CTNNA3: variants seen among roughly 807,000 people sequenced by gnomAD.
CTNNA3 encodes the protein catenin alpha 3, also known as catenin alpha-3.
In CTNNA3, 76 loss-of-function variants were observed where a neutral mutation model predicts 95.7. That is an observed-to-expected ratio of 0.79 (90% CI 0.66 to 0.96). The LOEUF (loss-of-function observed/expected upper bound fraction) is 0.96. Among genes scored for constraint, CTNNA3 ranks in the 40% least tolerant of loss-of-function variants. CTNNA3 has a pLI of 0.00. For synonymous variants in CTNNA3, 431 were observed against 374.4 expected, an observed-to-expected ratio of 1.15 and a Z score of -1.74; for missense variants, 1,191 against 1,089.8, an observed-to-expected ratio of 1.09 and a Z score of -1.31.
chr10:67,594,731 T>TA (rs1002662748), intron 3 of CTNNA3, among the ~76,000 whole-genome samples: 9 of 152,170 alleles, frequency 5.9e-5, no homozygotes, highest in Admixed American at 2.0e-4. Context: ...TTTTATTTTT[T>TA]AAAAAAATTA....
At chr10:66,016,226 T>G (rs1486810791) in intron 15 of CTNNA3, among the ~76,000 whole-genome samples, 2 of 152,188 alleles carry the variant, frequency 1.3e-5, no homozygotes, top group African/African-American at 4.8e-5. Context: ...CACCTATTTA[T>G]GTAACCAGCC....
intron 5 of CTNNA3, among the ~76,000 whole-genome samples, chr10:67,365,554 A>C (rs921980337): frequency 3.3e-5 from 5 of 152,340 alleles, no homozygotes; most frequent in Admixed American, 6.5e-5. Context: ...CCCCATCAAA[A>C]AGTGGGCAAA....
intron 7 of CTNNA3, among the ~76,000 whole-genome samples, chr10:66,851,745 A>G (rs539289864): frequency 1.3e-5 from 2 of 152,078 alleles, no homozygotes; most frequent in South Asian, 4.1e-4. Flanking sequence ...CCAGAAGCTG[A>G]GCAGATGTCC....
chr10:67,131,849 G>A (rs1414077409), intron 7 of CTNNA3, among the ~76,000 whole-genome samples: 1 of 152,082 alleles, frequency 6.6e-6, no homozygotes, highest in Non-Finnish European at 1.5e-5. Flanking sequence ...CAGCTGAAGA[G>A]AAGGAAGCCT....
chr10:67,633,608 G>A (rs1201061573), intron 2 of CTNNA3, among the ~76,000 whole-genome samples: 1 of 152,150 alleles, frequency 6.6e-6, no homozygotes, highest in African/African-American at 2.4e-5. Flanking sequence ...ACTAGGGTCT[G>A]GAGTGGACCC....
intron 5 of CTNNA3, among the ~76,000 whole-genome samples, chr10:67,274,617 C>T (rs1052293726): frequency 1.3e-5 from 2 of 151,998 alleles, no homozygotes; most frequent in African/African-American, 2.4e-5. Flanking sequence ...TGCTTGAGCC[C>T]AGGAATTCAA....
chr10:65,973,489 C>A (rs2078149894), intron 16 of CTNNA3, among the ~76,000 whole-genome samples: 2 of 152,044 alleles, frequency 1.3e-5, no homozygotes, highest in Non-Finnish European at 2.9e-5. Flanking sequence ...GGAACTTAAA[C>A]AACTGAGCAA....
At chr10:67,301,463 A>T (rs1415538846) in intron 5 of CTNNA3, among the ~76,000 whole-genome samples, 1 of 152,196 alleles carries the variant, frequency 6.6e-6, no homozygotes, top group African/African-American at 2.4e-5. Context: ...AAAACTAAAA[A>T]TAGAGCTATC....
intron 16 of CTNNA3, among the ~76,000 whole-genome samples, chr10:65,974,361 T>C (rs543797716): frequency 3.4e-4 from 52 of 152,212 alleles, no homozygotes; most frequent in African/African-American, 1.1e-3. Context: ...CAATGGTGGA[T>C]TGAATAAATA....
intron 5 of CTNNA3, among the ~76,000 whole-genome samples, chr10:67,319,147 T>G (rs940730977): frequency 6.6e-6 from 1 of 152,224 alleles, no homozygotes; most frequent in African/African-American, 2.4e-5. Context: ...TCCAATAAAC[T>G]GTACTGGTAG....
intron 1 of CTNNA3, among the ~76,000 whole-genome samples, chr10:67,727,078 ATATAT>A (rs1391035826): frequency 8.8e-6 from 1 of 114,196 alleles, no homozygotes; most frequent in Non-Finnish European, 1.6e-5. Context: ...TATATGATAC[ATATAT>A]GATATAATTA....
intron 7 of CTNNA3, among the ~76,000 whole-genome samples, chr10:67,085,960 C>T (rs1319433669): frequency 6.6e-6 from 1 of 151,948 alleles, no homozygotes; most frequent in Non-Finnish European, 1.5e-5. Context: ...AGATCTTTCC[C>T]TCCACTCTCA....
intron 12 of CTNNA3, among the ~76,000 whole-genome samples, chr10:66,283,445 G>T (rs2091529117): frequency 6.6e-6 from 1 of 151,226 alleles, no homozygotes; most frequent in African/African-American, 2.4e-5. Flanking sequence ...GTAGATTTTG[G>T]CAAAAAAAGA....
intron 13 of CTNNA3, among the ~76,000 whole-genome samples, chr10:66,245,206 G>A (rs2090266647): frequency 6.6e-6 from 1 of 152,178 alleles, no homozygotes; most frequent in Admixed American, 6.5e-5. Flanking sequence ...ACAGGTGCTG[G>A]CTCTCTGCAA....
intron 7 of CTNNA3, among the ~76,000 whole-genome samples, chr10:66,973,003 C>T (rs1439037951): frequency 1.3e-5 from 2 of 152,118 alleles, no homozygotes; most frequent in African/African-American, 4.8e-5. Flanking sequence ...AAAACTAAGT[C>T]AACCACAAGC....
chr10:67,553,696 T>C (rs960458605), intron 3 of CTNNA3, among the ~76,000 whole-genome samples: 6 of 151,914 alleles, frequency 3.9e-5, no homozygotes, highest in Admixed American at 2.6e-4. Context: ...CTTCTCACAT[T>C]CAAGAATACA....
intron 11 of CTNNA3, among the ~76,000 whole-genome samples, chr10:66,489,337 C>T (rs553344832): frequency 2.0e-5 from 3 of 152,066 alleles, no homozygotes; most frequent in East Asian, 1.9e-4. Flanking sequence ...GATAAAAGGA[C>T]GTTAGGAATT....
At chr10:67,759,723 C>T (rs1841453045) in intron 1 of CTNNA3, among the ~76,000 whole-genome samples, 1 of 152,148 alleles carries the variant, frequency 6.6e-6, no homozygotes, top group South Asian at 2.1e-4. Context: ...AATTATCGTG[C>T]TGACCTTGAA....
chr10:66,607,464 G>A (rs1222429257), intron 10 of CTNNA3, among the ~76,000 whole-genome samples: 6 of 76,162 alleles, frequency 7.9e-5, no homozygotes, highest in Admixed American at 2.1e-4. Flanking sequence ...AAACCAGGCA[G>A]AGACAACCAA....
Sources: allele counts gnomAD v4.1 joint callset (sites outside exome capture counted in the v4.1 genomes callset), GRCh38; gene constraint gnomAD v4.1.1; transcripts MANE v1.5; gene names NCBI Gene and HGNC (gene_info 2026-07-23, HGNC 2026-07-21).